Variants in CES4A observed in about 807,000 individuals in gnomAD.
The protein encoded by CES4A is carboxylesterase 4A.
In CES4A, 48 loss-of-function variants were observed where a neutral mutation model predicts 65.4. The ratio of observed to expected loss-of-function variants is 0.73; its 90% CI spans 0.58 to 0.93. The LOEUF is 0.93. CES4A is among the 40% of genes least tolerant of loss of function. The pLI is 0.00. For missense variants in CES4A, 685 were observed against 728.5 expected (o/e 0.94, Z 0.69); for synonymous variants, 247 against 281.8 (o/e 0.88, Z 1.24).
chr16:67,010,310 C>T (rs900309695), downstream of CES4A, among the ~76,000 whole-genome samples: 10 of 152,024 alleles, frequency 6.6e-5, no homozygotes, highest in Non-Finnish European at 1.3e-4. Context: ...AGGTAATCCA[C>T]CCGTCTCAGC....
intron 12 of CES4A, 62 bp from the exon 13 acceptor site, chr16:67,006,683 G>A (rs1965785924): frequency 6.4e-7 from 1 of 1,563,408 alleles, no homozygotes; most frequent in South Asian, 1.1e-5. Flanking sequence ...AGCAGCAGGA[G>A]TAGGGTGGGA....
intron 1 of CES4A, 83 bp from the exon 2 acceptor site, chr16:66,995,545 A>G: frequency 8.1e-7 from 1 of 1,230,308 alleles, no homozygotes; most frequent in Admixed American, 1.8e-5. Flanking sequence ...CCTTGGTCCC[A>G]TTTGTGGCTG....
chr16:66,992,078 G>A (rs1964434026), intron 1 of CES4A, among the ~76,000 whole-genome samples: 2 of 152,256 alleles, frequency 1.3e-5, no homozygotes, highest in South Asian at 4.1e-4. Flanking sequence ...CCTGGATTCA[G>A]GGCAAATCCA....
chr16:67,005,043 C>A, intron 10 of CES4A, 170 bp downstream of exon 10: 1 of 727,790 alleles, frequency 1.4e-6, no homozygotes, highest in Non-Finnish European at 2.3e-6. Context: ...GTAAGGTGCT[C>A]AGGGTCACAG....
At chr16:66,993,033 T>C (rs528743437) in intron 1 of CES4A, among the ~76,000 whole-genome samples, 1 of 152,258 alleles carries the variant, frequency 6.6e-6, no homozygotes, top group African/African-American at 2.4e-5. Context: ...ACAAGGGCAC[T>C]TCAGGAAGGG....
At chr16:66,991,206 G>A (rs1367735340) in intron 1 of CES4A, among the ~76,000 whole-genome samples, 3 of 151,992 alleles carry the variant, frequency 2.0e-5, no homozygotes, top group Admixed American at 6.6e-5. Flanking sequence ...TGTATTTTTA[G>A]TAGAGACAGG....
Position 67,003,662 on chromosome 16 carries a change from G to A in CES4A, c.939+109G>A. 1.1e-6 allele frequency: 1 copy of A among 876,506 alleles called. No homozygotes were observed. The highest frequency in any genetic ancestry group is 1.9e-6 in the Non-Finnish European group (1 of 513,592). 54.3% of individuals were successfully genotyped at this position (876,506 alleles called of 1,614,324 possible). Reference sequence around the variant, plus strand: ...AGGCCAAGATCCCTTCCCTAGTGGAGCTGATGTTCCAGTGGGGAAGGAGAA... The same window carrying A: ...AGGCCAAGATCCCTTCCCTAGTGGAACTGATGTTCCAGTGGGGAAGGAGAA... On this transcript the variant is annotated intron_variant, in intron 8 of 13. Transcript: ENST00000648724. The surrounding 1 kb of genome is among the most constrained non-coding windows in gnomAD (Gnocchi z 4.2).
Position 67,003,501 on chromosome 16 carries a change from C to G in CES4A, c.901-14C>G. The G allele has an allele frequency of 6.2e-7, 1 of 1,612,666 alleles. No individual in the cohort carries two copies. The highest frequency in any genetic ancestry group is 8.5e-7 in the Non-Finnish European group (1 of 1,178,664). ...AGACTTCCTTTAACTCTGATCCCTT[C>G]CTCTCCCCCATAGAGATTCCTCCAA... On this transcript the variant is annotated splice_polypyrimidine_tract_variant and intron_variant, in intron 7 of 13. Transcript: ENST00000648724. The surrounding 1 kb of genome is among the most constrained non-coding windows in gnomAD (Gnocchi z 4.2).
At chr16:66,995,345 A>C (rs529425419) in intron 1 of CES4A, among the ~76,000 whole-genome samples, 16 of 151,578 alleles carry the variant, frequency 1.1e-4, no homozygotes, top group Non-Finnish European at 2.2e-4. Context: ...ATAAATATAA[A>C]TAAATAAACG....
exon 9 of CES4A, chr16:67,004,101 C>A: frequency 1.2e-6 from 2 of 1,614,062 alleles, no homozygotes; most frequent in South Asian, 2.2e-5. Flanking sequence ...GGTCCATGAG[C>A]CCTGTGGTGG....
chr16:66,995,468 G>A (rs922840886), intron 1 of CES4A, among the ~76,000 whole-genome samples, 160 bp from the exon 2 acceptor site: 5 of 152,122 alleles, frequency 3.3e-5, no homozygotes, highest in Non-Finnish European at 7.4e-5. Flanking sequence ...ATGACAGATG[G>A]GCCAGGGTCC....
rs778711936 is a variant in CES4A at position 67,000,779 on chromosome 16, A to G, written c.402A>G (p.Pro134=). Residue 134 remains proline, a splice_region_variant and synonymous_variant, in exon 3 of 14, where the codon CCA becomes CCG. Coordinates refer to ENST00000648724, the Ensembl canonical transcript of CES4A. The surrounding 1 kb of genome is among the most constrained non-coding windows in gnomAD (Gnocchi z 4.2). ...GCGCGCCCGGGGATCCCCAGCTGCC[A>G]GTGAGTGCCAGGTCTCCCGCGCCCG... 2 of 1,549,674 alleles carry G rather than the reference A, an allele frequency of 1.3e-6. No individual in the cohort carries two copies. Among genetic ancestry groups the G allele is most frequent in the South Asian group, 1.2e-5 (1 of 84,084 alleles).
intron 2 of CES4A, 180 bp downstream of exon 2, chr16:66,996,009 A>G (rs2145598582): frequency 2.8e-6 from 2 of 703,886 alleles, no homozygotes; most frequent in East Asian, 2.7e-5. Context: ...TGGTGTTTAC[A>G]TCACTGACAA....
At chr16:66,998,538 T>C (rs1466748489) in intron 2 of CES4A, among the ~76,000 whole-genome samples, 2 of 152,122 alleles carry the variant, frequency 1.3e-5, no homozygotes, top group African/African-American at 4.8e-5. Context: ...ACTATGATCA[T>C]GTCACTGCAT....
intron 10 of CES4A, 82 bp from the exon 11 acceptor site, chr16:67,005,158 A>G: frequency 1.4e-6 from 2 of 1,430,280 alleles, no homozygotes; most frequent in Non-Finnish European, 2.0e-6. Context: ...TGGGGGGCTG[A>G]GCATGGATCC....
exon 14 of CES4A, chr16:67,009,278 C>A: frequency 1.2e-6 from 1 of 841,686 alleles, no homozygotes; most frequent in East Asian, 2.5e-5. Flanking sequence ...CCTGCTGCCT[C>A]CAGGCCAAAG....
At chr16:66,988,913 G>T in intron 1 of CES4A, 83 bp downstream of exon 1, 5 of 1,454,378 alleles carry the variant, frequency 3.4e-6, no homozygotes, top group Non-Finnish European at 4.6e-6. Flanking sequence ...AACCTCTCCT[G>T]GGGACAGCAG....
Position 67,003,503 on chromosome 16 carries a change from T to C in CES4A, c.901-12T>C. ...ACTTCCTTTAACTCTGATCCCTTCC[T>C]CTCCCCCATAGAGATTCCTCCAACT... On this transcript the variant is annotated splice_polypyrimidine_tract_variant and intron_variant, in intron 7 of 13. Transcript: ENST00000648724. This position sits in a 1 kb window ranked among gnomAD's most constrained non-coding sequence, Gnocchi z 4.2. 6.2e-7 allele frequency: 1 copy of C among 1,612,882 alleles called. No individual in the cohort carries two copies. The highest frequency in any genetic ancestry group is 8.5e-7 in the Non-Finnish European group (1 of 1,178,964).
At chr16:67,008,765 A>G (rs1015908284) in intron 13 of CES4A, 2 of 539,928 alleles carry the variant, frequency 3.7e-6, no homozygotes, top group South Asian at 4.9e-5. Context: ...GGTCTTTTAT[A>G]TCTCTCAACC....
Sources: gnomAD v4.1 joint callset for allele counts (sites outside exome capture counted in the v4.1 genomes callset) on GRCh38, gnomAD v4.1.1 for gene constraint, Gnocchi (gnomAD v3.1) non-coding constraint, MANE v1.5 for transcripts, NCBI Gene and HGNC (gene_info 2026-07-23, HGNC 2026-07-21) for gene names.